Variants in NR5A2 observed in about 807,000 individuals in gnomAD.
NR5A2 encodes the protein nuclear receptor subfamily 5 group A member 2, also known as CYP7A promoter-binding factor.
In NR5A2, 26 loss-of-function variants were observed where a neutral mutation model predicts 62.7. That is an observed-to-expected ratio of 0.41 (90% CI 0.30 to 0.58). The LOEUF (loss-of-function observed/expected upper bound fraction) is 0.58, where lower values mean the gene tolerates loss of function less well. NR5A2 is among the 20% of genes least tolerant of loss of function. NR5A2 has a pLI of 0.22. For missense variants in NR5A2, 541 were observed against 669.1 expected (o/e 0.81, Z 2.11); for synonymous variants, 246 against 241.7 (o/e 1.02, Z -0.16).
intron 5 of NR5A2, among the ~76,000 whole-genome samples, chr1:200,092,873 C>CTTTTT (rs869028679): frequency 1.4e-4 from 9 of 64,250 alleles, no homozygotes; most frequent in African/African-American, 2.1e-4. Context: ...AAAGACAGGT[C>CTTTTT]TTTTTTTTTT....
chr1:200,077,606 C>T (rs919088166), intron 5 of NR5A2, among the ~76,000 whole-genome samples: 5 of 152,022 alleles, frequency 3.3e-5, no homozygotes, highest in Admixed American at 6.5e-5. Flanking sequence ...CCCAGCTACT[C>T]GGGAGGCTGA....
chr1:200,173,153 T>C (rs2102399421), intron 7 of NR5A2, among the ~76,000 whole-genome samples: 1 of 152,320 alleles, frequency 6.6e-6, no homozygotes, highest in East Asian at 1.9e-4. Context: ...TTAGGGCAGA[T>C]GTCTAAAAAC....
At chr1:200,158,852 C>T (rs939585665) in intron 7 of NR5A2, among the ~76,000 whole-genome samples, 9 of 151,730 alleles carry the variant, frequency 5.9e-5, no homozygotes, top group African/African-American at 1.9e-4. Context: ...GCAAAATTCC[C>T]TATCCTATTC....
intron 1 of NR5A2, among the ~76,000 whole-genome samples, chr1:200,037,192 C>T (rs1390924334): frequency 1.3e-5 from 2 of 152,200 alleles, no homozygotes; most frequent in South Asian, 2.1e-4. Flanking sequence ...AAGCTTGTCT[C>T]ACTAGGTCAG....
At chr1:200,173,829 T>TGAATATTCAGTA in intron 7 of NR5A2, 134 bp from the exon 8 acceptor site, 1 of 916,208 alleles carries the variant, frequency 1.1e-6, no homozygotes, top group Non-Finnish European at 1.5e-6. Flanking sequence ...TGGGGTTTAC[T>TGAATATTCAGTA]GAATATTCAG....
intron 1 of NR5A2, among the ~76,000 whole-genome samples, chr1:200,031,799 C>T (rs922359835): frequency 1.3e-5 from 2 of 151,882 alleles, no homozygotes; most frequent in African/African-American, 2.4e-5. Context: ...AGGCTGGTCC[C>T]GAAATCCTGA....
intron 5 of NR5A2, among the ~76,000 whole-genome samples, chr1:200,074,989 C>G (rs536597379): frequency 1.3e-5 from 2 of 152,080 alleles, no homozygotes; most frequent in East Asian, 1.9e-4. Context: ...TATTTATAAA[C>G]TATATGTGTA....
chr1:200,078,767 A>G (rs757588647), intron 5 of NR5A2, among the ~76,000 whole-genome samples: 19 of 152,234 alleles, frequency 1.2e-4, no homozygotes, highest in Admixed American at 3.3e-4. Flanking sequence ...TACATAATAC[A>G]TAATAAACAT....
chr1:200,131,077 C>T (rs1210776597), intron 7 of NR5A2, among the ~76,000 whole-genome samples: 2 of 152,062 alleles, frequency 1.3e-5, no homozygotes, highest in African/African-American at 2.4e-5. Flanking sequence ...TAAGCATTTC[C>T]TAAAATTTAT....
At chr1:200,047,382 G>A (rs1214645629) in intron 4 of NR5A2, among the ~76,000 whole-genome samples, 2 of 152,036 alleles carry the variant, frequency 1.3e-5, no homozygotes, top group African/African-American at 4.8e-5. Flanking sequence ...GCAACAAGGT[G>A]GCCAAAATGG....
rs57117607 is a variant in NR5A2 at position 200,073,904 on chromosome 1, A to G, written c.1110+25086A>G. 8.7e-3 allele frequency among the ~76,000 whole-genome samples: 1,323 copies of G among 152,266 alleles called. 16 individuals carry two copies. The highest frequency in any genetic ancestry group is 0.029 in the African/African-American group (1,196 of 41,544). On this transcript the variant is annotated intron_variant, in intron 5 of 7. Transcript: ENST00000367362. ...TTTTGAACCTGTAATTAGAATGGGC[A>G]ATGGGTGTATAACAGAGACGATAGC...
chr1:200,079,762 A>G (rs937382348), intron 5 of NR5A2, among the ~76,000 whole-genome samples: 1 of 151,958 alleles, frequency 6.6e-6, no homozygotes, highest in Non-Finnish European at 1.5e-5. Flanking sequence ...AGGCTGTTGG[A>G]TTTTTTTGCT....
At chr1:200,117,514 AAC>A (rs1391673796) in intron 6 of NR5A2, among the ~76,000 whole-genome samples, 3 of 152,176 alleles carry the variant, frequency 2.0e-5, no homozygotes, top group Non-Finnish European at 2.9e-5. Context: ...AATCCTATGA[AAC>A]AGATTCCTTT....
intron 5 of NR5A2, among the ~76,000 whole-genome samples, chr1:200,103,498 A>T (rs886395131): frequency 6.6e-6 from 1 of 152,220 alleles, no homozygotes; most frequent in African/African-American, 2.4e-5. Context: ...GTAACAAGTC[A>T]TAAGAAAGAT....
At chr1:200,118,557 T>C (rs1249506045) in intron 6 of NR5A2, among the ~76,000 whole-genome samples, 2 of 152,206 alleles carry the variant, frequency 1.3e-5, no homozygotes, top group African/African-American at 2.4e-5. Flanking sequence ...AGAGGCAGCA[T>C]TGGCTCGGGT....
chr1:200,049,056 G>T (rs1006245424), intron 5 of NR5A2, among the ~76,000 whole-genome samples: 1 of 152,002 alleles, frequency 6.6e-6, no homozygotes, highest in African/African-American at 2.4e-5. Context: ...ATAAAGTATA[G>T]GAAACTCGGG....
chr1:200,035,361 T>C (rs1397880164), intron 1 of NR5A2, among the ~76,000 whole-genome samples: 1 of 152,040 alleles, frequency 6.6e-6, no homozygotes, highest in Non-Finnish European at 1.5e-5. Context: ...CGGGGAAAGA[T>C]GTGTCTGCCA....
At position 200,177,306 on chromosome 1, in the gene NR5A2, T is replaced by C. The variant is rs1220269797; in HGVS notation, c.*3096T>C. The C allele has an allele frequency of 2.0e-5, 3 of 152,680 alleles. No individual in the cohort carries two copies. 9.5% of individuals were successfully genotyped at this position (152,680 alleles called of 1,614,324 possible). ...CAGTTACTTGTTGATGTTTTCTTAC[T>C]GTATCAATGAAATACATATTGTCAT... On this transcript the variant is annotated 3_prime_UTR_variant, in exon 8 of 8. Coordinates refer to ENST00000367362, the MANE Select transcript of NR5A2 (RefSeq NM_205860.3).
chr1:200,125,698 A>T (rs1666671789), intron 7 of NR5A2, among the ~76,000 whole-genome samples: 1 of 152,226 alleles, frequency 6.6e-6, no homozygotes, highest in African/African-American at 2.4e-5. Context: ...ATTATCTTAA[A>T]TTATAAAAGG....
Sources: allele counts gnomAD v4.1 joint callset (sites outside exome capture counted in the v4.1 genomes callset), GRCh38; gene constraint gnomAD v4.1.1; transcripts MANE v1.5; gene names NCBI Gene and HGNC (gene_info 2026-07-23, HGNC 2026-07-21).